The following GON4L variants were observed in gnomAD, a reference collection of about 807,000 sequenced individuals.
The protein encoded by GON4L is gon-4 like, also known as GON-4-like protein.
Under a neutral mutation model 211.8 loss-of-function variants are expected in GON4L, and 87 were observed. That is an observed-to-expected ratio of 0.41 (90% CI 0.35 to 0.49). The LOEUF (loss-of-function observed/expected upper bound fraction) is 0.49. Ranked by LOEUF, GON4L falls within the 20% of genes least tolerant of loss-of-function variation. GON4L has a pLI of 0.15. For missense variants in GON4L, 2,155 were observed against 2,659.5 expected, an observed-to-expected ratio of 0.81 and a Z score of 4.17; for synonymous variants, 875 against 962.6, an observed-to-expected ratio of 0.91 and a Z score of 1.68.
In GON4L at chr1:155,762,268, C is replaced by T; in HGVS notation, c.4833G>A (p.Leu1611=). The change falls in exon 23 of 32, where the codon CTG becomes CTA. Residue 1611 remains leucine (L), a synonymous_variant. Coordinates refer to ENST00000368331, the MANE Select transcript of GON4L (RefSeq NM_001282860.2). ...CTCGCTCGAGAATGTCCTCATCATA[C>T]AGCAACAGCAGCTTGGAGGTGTCCT... is the stretch of plus-strand genomic sequence containing the variant. The part of the protein sequence containing the change: ...ASKDTSKLLL[L]YDEDILERDP... 1 of 1,613,126 alleles carries T rather than the reference C, an allele frequency of 6.2e-7. No individual in the cohort carries two copies. The highest frequency in any genetic ancestry group is 8.5e-7 in the Non-Finnish European group (1 of 1,179,560).
intron 12 of GON4L, among the ~76,000 whole-genome samples, chr1:155,793,661 T>A (rs1373215136): frequency 6.6e-6 from 1 of 152,102 alleles, no homozygotes; most frequent in Non-Finnish European, 1.5e-5. Context: ...AAGGCTGGAG[T>A]GCAGTGGCAC....
rs538564767 is a variant in GON4L, at chr1:155,759,587, AT to A, written c.5109+856del. Among the ~76,000 whole-genome samples the A allele has an allele frequency of 3.2e-4, 48 of 148,466 alleles. No individual in the cohort carries two copies. In the East Asian group the frequency reaches 6.7e-3, roughly 21 times the overall value. ...GAAACTCCATCTCAAAAAAAAAAAA[AT>A]TTTTTTTTTTGTTCACGTATACACT... On this transcript the variant is annotated intron_variant, in intron 24 of 31. Transcript: ENST00000368331.
chr1:155,783,982 C>G lies in GON4L; in HGVS notation c.1892+4G>C. ...CCAAATCTCAAGGTCTTCAACTAGC[C>G]TACCGTAGAGCTTGAGGGGTGTTAA... On this transcript the variant is annotated splice_donor_region_variant and intron_variant, in intron 14 of 31. Transcript: ENST00000368331. The G allele has an allele frequency of 6.2e-7, 1 of 1,613,488 alleles. No individual in the cohort carries two copies. The highest frequency in any genetic ancestry group is 2.2e-5 in the East Asian group (1 of 44,888).
chr1:155,760,364 G>A lies in GON4L; in HGVS notation c.5109+80C>T, dbSNP rs1182916708. On this transcript the variant is annotated intron_variant, in intron 24 of 31. Transcript: ENST00000368331. ...TCTGGAAGGAGCTGGGAGACTGAAA[G>A]AGTCTTATTCAACCCCATTCAATCC... The A allele has an allele frequency of 6.0e-6, 5 of 838,196 alleles. No homozygotes were observed. In the African/African-American group the frequency reaches 6.8e-5, roughly 11 times the overall value. The allele number at this position is 838,196 out of a possible 1,614,324, so 51.9% of individuals were successfully genotyped here. A position where few individuals can be genotyped will look rare whatever the true frequency, so the allele number is the denominator to read the frequency against.
intron 10 of GON4L, among the ~76,000 whole-genome samples, chr1:155,811,987 G>C (rs914443491): frequency 6.6e-6 from 1 of 151,748 alleles, no homozygotes. Context: ...AGGAAGCAGA[G>C]GTGCAGTGAG....
chr1:155,802,047 T>A (rs1346996779), intron 11 of GON4L, among the ~76,000 whole-genome samples: 1 of 152,178 alleles, frequency 6.6e-6, no homozygotes, highest in Non-Finnish European at 1.5e-5. Flanking sequence ...AGTCTTAAAT[T>A]TAAATTTAGG....
chr1:155,851,880 C>A (rs919724425), intron 2 of GON4L, among the ~76,000 whole-genome samples: 1 of 151,824 alleles, frequency 6.6e-6, no homozygotes, highest in Non-Finnish European at 1.5e-5. Context: ...CTAAAGTCAT[C>A]TTGGCAGGGC....
chr1:155,781,401 A>G (rs1165832890), intron 14 of GON4L, among the ~76,000 whole-genome samples: 1 of 151,780 alleles, frequency 6.6e-6, no homozygotes, highest in East Asian at 1.9e-4. Context: ...CTGCTTCGGC[A>G]TCCCAAAGTG....
At chr1:155,853,233 T>C in intron 2 of GON4L, 43 bp downstream of exon 2, 1 of 1,498,504 alleles carries the variant, frequency 6.7e-7, no homozygotes, top group Non-Finnish European at 9.3e-7. Context: ...AATGGCAAAG[T>C]GGTATTGACA....
chr1:155,765,187 C>T lies in GON4L; in HGVS notation c.4286G>A (p.Gly1429Glu). 1.2e-6 allele frequency: 2 copies of T among 1,614,186 alleles called. No individual in the cohort carries two copies. Among genetic ancestry groups the T allele is most frequent in the East Asian group, 2.2e-5 (1 of 44,888 alleles). Residue 1429 changes from glycine to glutamate, a missense_variant, in exon 21 of 32, where the codon GGG (glycine) becomes GAG (glutamate). By Grantham distance (98) the Gly-to-Glu change is moderately conservative. Around this residue, in one of 6 missense-constraint regions of GON4L, gnomAD observed 615 missense variants for 625.7 expected, o/e 0.98. Transcript: ENST00000368331. ...DPEVRLSSPP[G>E]KPEDSSSVDG... ...AACACTGGATGAATCTTCTGGCTTC[C>T]CTGGGGGGCTACTAAGCCTCACTTC...
In GON4L at chr1:155,767,447, T is replaced by C. The variant is rs1038595635; in HGVS notation, c.2741A>G (p.His914Arg). The C allele has an allele frequency of 2.5e-6, 4 of 1,613,474 alleles. No individual in the cohort carries two copies. The highest frequency in any genetic ancestry group is 3.3e-5 in the Admixed American group (2 of 59,896). Residue 914 changes from histidine (H) to arginine (R), a missense_variant, in exon 20 of 32, where the codon CAC becomes CGC. By Grantham distance (29) the His-to-Arg change is conservative. Transcript: ENST00000368331. ...QWKPPIEREE[H>R]RLPFWLKASL... ...TACCTTTAACCAGAATGGGAGCCGG[T>C]GTTCTTCTCTCTCTATAGGTGGCTT...
chr1:155,828,720 A>G (rs1055696905), intron 2 of GON4L, among the ~76,000 whole-genome samples: 4 of 150,852 alleles, frequency 2.7e-5, no homozygotes, highest in African/African-American at 9.8e-5. Context: ...AGGTAGGAGA[A>G]CTGCTTGAAC....
chr1:155,756,728 C>A, intron 27 of GON4L: 1 of 462,990 alleles, frequency 2.2e-6, no homozygotes, highest in Non-Finnish European at 3.9e-6. Flanking sequence ...AGTTCGAGAC[C>A]AGCCTGGCCA....
intron 27 of GON4L, among the ~76,000 whole-genome samples, chr1:155,756,251 CATTATT>C (rs1661168260): frequency 6.6e-6 from 1 of 152,152 alleles, no homozygotes; most frequent in African/African-American, 2.4e-5. Context: ...TAGCTGCTAT[CATTATT>C]ATTAATATGG....
At position 155,826,991 on chromosome 1, in the gene GON4L, G is replaced by A. The variant is rs1669272133; in HGVS notation, c.543C>T (p.Ser181=). The A allele has an allele frequency of 1.2e-6, 2 of 1,613,962 alleles. No individual in the cohort carries two copies. The highest frequency in any genetic ancestry group is 1.1e-5 in the South Asian group (1 of 91,088). ...TTGCAGATTGGCTGCCTGATGGCAG[G>A]GAAGGTATCTCCCCTTCAGAATTCA... ...PQMNSEGEIP[S]LPSGSQSAKP... The change falls in exon 3 of 32, where the codon TCC becomes TCT. Residue 181 remains serine (S), a synonymous_variant. Coordinates refer to ENST00000368331, the MANE Select transcript of GON4L (RefSeq NM_001282860.2).
chr1:155,764,620 T>A, intron 21 of GON4L: 1 of 452,976 alleles, frequency 2.2e-6, no homozygotes, highest in Non-Finnish European at 4.0e-6. Flanking sequence ...TTGTTATTTT[T>A]AATATAGATG....
chr1:155,781,652 G>A (rs1664439346), intron 14 of GON4L, among the ~76,000 whole-genome samples: 2 of 151,448 alleles, frequency 1.3e-5, no homozygotes, highest in African/African-American at 4.9e-5. Context: ...TAGTAGAGAC[G>A]GGGTTTCACC....
chr1:155,767,622 T>C, intron 19 of GON4L, 81 bp from the exon 20 acceptor site: 3 of 1,505,954 alleles, frequency 2.0e-6, no homozygotes, highest in South Asian at 2.3e-5. Context: ...GGGGTGGTGG[T>C]GGATCAAGAG....
At chr1:155,791,363 GT>G (rs1254105807) in intron 12 of GON4L, among the ~76,000 whole-genome samples, 1 of 151,822 alleles carries the variant, frequency 6.6e-6, no homozygotes, top group African/African-American at 2.4e-5. Context: ...CAGGGGAAAA[GT>G]TTAAAGAAAA....
Sources: allele counts gnomAD v4.1 joint callset (sites outside exome capture counted in the v4.1 genomes callset), GRCh38; gene constraint gnomAD v4.1.1; regional missense constraint gnomAD v4.1.1; transcripts MANE v1.5; gene names NCBI Gene and HGNC (gene_info 2026-07-23, HGNC 2026-07-21).